TAFA2: variants seen among roughly 807,000 people sequenced by gnomAD.
TAFA2 encodes TAFA chemokine like family member 2, also known as chemokine-like protein TAFA-2.
TAFA2 carries 7 observed loss-of-function variants against 18.8 expected under a neutral mutation model. The observed-to-expected ratio is 0.37, with a 90% CI of 0.21 to 0.70. TAFA2 has a LOEUF of 0.70. Ranked by LOEUF, TAFA2 falls within the 30% of genes least tolerant of loss-of-function variation. TAFA2 has a pLI of 0.53. For missense variants in TAFA2, 122 were observed against 158.1 expected, an observed-to-expected ratio of 0.77 and a Z score of 1.23; for synonymous variants, 60 against 54.2, an observed-to-expected ratio of 1.11 and a Z score of -0.47.
chr12:62,106,336 A>T (rs1027353839), intron 1 of TAFA2, among the ~76,000 whole-genome samples: 1 of 152,172 alleles, frequency 6.6e-6, no homozygotes, highest in African/African-American at 2.4e-5. Flanking sequence ...TCCATCTCAA[A>T]AAAGAACAAA....
At chr12:61,986,284 C>G (rs930343772) in intron 1 of TAFA2, among the ~76,000 whole-genome samples, 14 of 149,736 alleles carry the variant, frequency 9.3e-5, no homozygotes, top group Non-Finnish European at 1.6e-4. Flanking sequence ...CCTGCTTCAG[C>G]CTCCGAGTAG....
intron 1 of TAFA2, among the ~76,000 whole-genome samples, chr12:61,954,200 C>T (rs1878569527): frequency 6.6e-6 from 1 of 152,068 alleles, no homozygotes; most frequent in African/African-American, 2.4e-5. Flanking sequence ...ATTTAGCTCC[C>T]ACTTACAAGT....
chr12:62,109,897 C>T (rs1353187577), intron 1 of TAFA2, among the ~76,000 whole-genome samples: 1 of 152,154 alleles, frequency 6.6e-6, no homozygotes, highest in East Asian at 1.9e-4. Context: ...ATGGGGTTTT[C>T]TAAATATACA....
intron 1 of TAFA2, among the ~76,000 whole-genome samples, chr12:62,108,109 A>G (rs1167496760): frequency 2.6e-5 from 4 of 151,984 alleles, no homozygotes; most frequent in African/African-American, 9.7e-5. Flanking sequence ...TCTACATTAG[A>G]TATTTCTCCT....
intron 1 of TAFA2, among the ~76,000 whole-genome samples, chr12:62,175,877 TA>T (rs2062509305): frequency 4.7e-5 from 1 of 21,274 alleles, no homozygotes; most frequent in Non-Finnish European, 1.1e-4. Flanking sequence ...TATATATATA[TA>T]TATATTAAAT....
chr12:61,972,431 C>T (rs1359994215), intron 1 of TAFA2, among the ~76,000 whole-genome samples: 1 of 151,556 alleles, frequency 6.6e-6, no homozygotes, highest in Non-Finnish European at 1.5e-5. Context: ...GTGATAACTT[C>T]ACTCTCTTGA....
intron 1 of TAFA2, among the ~76,000 whole-genome samples, chr12:61,967,133 C>T (rs1001554151): frequency 2.0e-5 from 3 of 151,860 alleles, no homozygotes; most frequent in South Asian, 2.1e-4. Flanking sequence ...CAGGCTTCAG[C>T]GAAGATGTGA....
chr12:62,170,005 G>A (rs898909777), intron 1 of TAFA2, among the ~76,000 whole-genome samples: 1 of 151,910 alleles, frequency 6.6e-6, no homozygotes, highest in South Asian at 2.1e-4. Flanking sequence ...AGCACATATC[G>A]AAAAACCAAG....
chr12:62,018,328 T>C (rs1334193558), intron 1 of TAFA2, among the ~76,000 whole-genome samples: 3 of 152,216 alleles, frequency 2.0e-5, no homozygotes, highest in African/African-American at 7.2e-5. Context: ...TTCTCCTTCA[T>C]CTTTCCAGGA....
intron 1 of TAFA2, among the ~76,000 whole-genome samples, chr12:61,932,113 C>T (rs144613038): frequency 1.3e-5 from 2 of 151,960 alleles, no homozygotes; most frequent in Non-Finnish European, 2.9e-5. Context: ...ATGTATATTA[C>T]TAGTATTCAT....
chr12:61,836,416 G>A (rs1230709093), intron 2 of TAFA2, among the ~76,000 whole-genome samples: 1 of 151,724 alleles, frequency 6.6e-6, no homozygotes, highest in Admixed American at 6.6e-5. Flanking sequence ...AAATTTAGAG[G>A]ATACATTATA....
intron 1 of TAFA2, among the ~76,000 whole-genome samples, chr12:61,893,539 C>T (rs1386806876): frequency 4.6e-5 from 7 of 152,096 alleles, no homozygotes; most frequent in East Asian, 1.9e-4. Context: ...AATGGCAGGA[C>T]GAAAGCTCAT....
In TAFA2 at chr12:62,122,270, G is replaced by T. The variant is rs142060970; in HGVS notation, c.-2+68989C>A. ...CTGATTTACCTCAATGAATCCGCCT[G>T]TGAGATCAGCATATGATCTGCTCCA... On this transcript the variant is annotated intron_variant, in intron 1 of 4. Transcript: ENST00000416284. Among the ~76,000 whole-genome samples the T allele has an allele frequency of 4.6e-5, 7 of 152,246 alleles. No homozygotes were observed. The East Asian group carries it at 1.4e-3, about 29-fold the overall frequency.
chr12:62,095,583 A>G (rs1238042043), intron 1 of TAFA2, among the ~76,000 whole-genome samples: 1 of 152,124 alleles, frequency 6.6e-6, no homozygotes, highest in Non-Finnish European at 1.5e-5. Context: ...CCGTGAGTTG[A>G]TATGTCCAAT....
intron 1 of TAFA2, among the ~76,000 whole-genome samples, chr12:62,077,174 TTAAG>T (rs1294596060): frequency 6.6e-6 from 1 of 152,222 alleles, no homozygotes; most frequent in Non-Finnish European, 1.5e-5. Flanking sequence ...GCTGACTTGA[TTAAG>T]TCTCTCCTTA....
chr12:61,846,422 T>C (rs1025921758), intron 2 of TAFA2, among the ~76,000 whole-genome samples: 1 of 152,166 alleles, frequency 6.6e-6, no homozygotes, highest in African/African-American at 2.4e-5. Flanking sequence ...AGATGAGTGA[T>C]AATCATTCTA....
At chr12:62,150,887 C>A (rs899073725) in intron 1 of TAFA2, among the ~76,000 whole-genome samples, 10 of 149,224 alleles carry the variant, frequency 6.7e-5, no homozygotes, top group African/African-American at 2.5e-4. Context: ...GAGACCCTGT[C>A]CAAAAAAAAA....
intron 1 of TAFA2, among the ~76,000 whole-genome samples, chr12:62,078,416 G>GAAAAA (rs71450573): frequency 2.1e-5 from 3 of 143,494 alleles, no homozygotes; most frequent in African/African-American, 5.2e-5. Flanking sequence ...AGTATAATTG[G>GAAAAA]AAAAAAAAAA....
chr12:62,212,365 C>T lies in TAFA2; in HGVS notation c.-130+46398G>A, dbSNP rs1378782473. 3.9e-5 allele frequency among the ~76,000 whole-genome samples: 6 copies of T among 152,186 alleles called. No individual in the cohort carries two copies. In the East Asian group the frequency reaches 1.2e-3, roughly 29 times the overall value. ...GTGTTTCATTGAGCCCTGTATTTCA[C>T]ACATAAGCCTACTTCTTCAGGTTTT... On this transcript the variant is annotated intron_variant, in intron 1 of 5. Transcript: ENST00000551619.
Sources: gnomAD v4.1 joint callset for allele counts (sites outside exome capture counted in the v4.1 genomes callset) on GRCh38, gnomAD v4.1.1 for gene constraint, MANE v1.5 for transcripts, NCBI Gene and HGNC (gene_info 2026-07-23, HGNC 2026-07-21) for gene names.